Variants in KIAA0319 observed in about 807,000 individuals in gnomAD.
KIAA0319 encodes KIAA0319.
In KIAA0319, 83 loss-of-function variants were observed where a neutral mutation model predicts 108.4. The ratio of observed to expected loss-of-function variants is 0.77; its 90% CI spans 0.64 to 0.92. The LOEUF (loss-of-function observed/expected upper bound fraction) is 0.92, where lower values mean the gene tolerates loss of function less well. KIAA0319 is among the 40% of genes least tolerant of loss of function. The pLI is 0.00. For synonymous variants in KIAA0319, 484 were observed against 510.4 expected (o/e 0.95, Z 0.70); for missense variants, 1,195 against 1,322.4 (o/e 0.90, Z 1.49).
At chr6:24,594,016 T>C (rs949148840) in intron 3 of KIAA0319, among the ~76,000 whole-genome samples, 6 of 149,190 alleles carry the variant, frequency 4.0e-5, no homozygotes, top group Non-Finnish European at 5.9e-5. Context: ...CTGACCAATA[T>C]GGTGAAACCC....
chr6:24,542,690 G>C (rs1581835392), downstream of KIAA0319, among the ~76,000 whole-genome samples: 1 of 152,318 alleles, frequency 6.6e-6, no homozygotes, highest in African/African-American at 2.4e-5. Context: ...ACTCCAGCCT[G>C]AGTGACAGAG....
intron 19 of KIAA0319, among the ~76,000 whole-genome samples, chr6:24,553,162 G>C (rs951196785): frequency 6.6e-6 from 1 of 151,394 alleles, no homozygotes; most frequent in African/African-American, 2.4e-5. Flanking sequence ...AGGTGGATTC[G>C]ATTATTGCTT....
At chr6:24,588,884 G>A (rs1767991557) in intron 3 of KIAA0319, 99 bp from the exon 4 acceptor site, 1 of 978,468 alleles carries the variant, frequency 1.0e-6, no homozygotes, top group Admixed American at 2.5e-5. Context: ...AATTAGCTTT[G>A]GTAATGTTTG....
At chr6:24,637,747 A>C (rs1010501850) in intron 1 of KIAA0319, among the ~76,000 whole-genome samples, 12 of 152,262 alleles carry the variant, frequency 7.9e-5, no homozygotes, top group Admixed American at 7.8e-4. Context: ...AAGAGCCTTG[A>C]AGAATTGGTC....
rs1458202492 is a variant in KIAA0319, at chr6:24,588,765, A to G, written c.822T>C (p.Ser274=). ...TGAGCTCCAGGCTTGCCGGAGGAAG[A>G]CTATGGGAAGGCATTAGAACCTACG... is the stretch of plus-strand genomic sequence containing the variant. ...SGKEVLMPSH[S]LPPASLELSS... The change falls in exon 4 of 21, where the codon AGT becomes AGC. Residue 274 remains serine (S), a synonymous_variant. Transcript: ENST00000378214. 6.2e-7 allele frequency: 1 copy of G among 1,613,896 alleles called. No homozygotes were observed. The highest frequency in any genetic ancestry group is 1.7e-5 in the Admixed American group (1 of 59,970).
chr6:24,601,623 C>T (rs1224492770), intron 1 of KIAA0319, among the ~76,000 whole-genome samples: 1 of 152,214 alleles, frequency 6.6e-6, no homozygotes, highest in Non-Finnish European at 1.5e-5. Flanking sequence ...CAGTGGGAAG[C>T]TGCAGGCAGC....
intron 20 of KIAA0319, among the ~76,000 whole-genome samples, chr6:24,547,932 C>CCT (rs1331423905): frequency 5.9e-5 from 9 of 152,070 alleles, no homozygotes; most frequent in African/African-American, 1.9e-4. Context: ...CTTTGGGAGG[C>CCT]TGAGGTGGGA....
chr6:24,644,750 C>A (rs904277681), intron 1 of KIAA0319, among the ~76,000 whole-genome samples: 3 of 152,104 alleles, frequency 2.0e-5, no homozygotes, highest in Non-Finnish European at 4.4e-5. Flanking sequence ...AAATTAAGTT[C>A]TTGCCTCGGC....
At chr6:24,608,206 G>C (rs1289431389) in intron 1 of KIAA0319, among the ~76,000 whole-genome samples, 1 of 151,384 alleles carries the variant, frequency 6.6e-6, no homozygotes, top group Non-Finnish European at 1.5e-5. Flanking sequence ...TGCTACTGAG[G>C]AAAAAATAAA....
intron 11 of KIAA0319, among the ~76,000 whole-genome samples, chr6:24,571,378 CAAAAAAAA>C (rs34896696): frequency 8.4e-6 from 1 of 118,710 alleles, no homozygotes; most frequent in Admixed American, 8.7e-5. Context: ...CCCTGTCTCA[CAAAAAAAA>C]AAAAAAAAAG....
At chr6:24,603,147 C>T (rs1770894171) in intron 1 of KIAA0319, among the ~76,000 whole-genome samples, 1 of 152,178 alleles carries the variant, frequency 6.6e-6, no homozygotes, top group African/African-American at 2.4e-5. Flanking sequence ...TAAATACAGT[C>T]ATTAGTATCT....
Position 24,548,407 on chromosome 6 carries a change from C to T in KIAA0319, c.3041-1064G>A, listed in dbSNP as rs567037392. ...CAGAAACTGAAGAGGCCAGGCTCCTCCCCACTGCAAATGACACGAACTTCC... is the reference window on the plus strand; with the variant it reads ...CAGAAACTGAAGAGGCCAGGCTCCTTCCCACTGCAAATGACACGAACTTCC... On this transcript the variant is annotated intron_variant, in intron 20 of 20. Transcript: ENST00000378214. 1.6e-4 allele frequency among the ~76,000 whole-genome samples: 24 copies of T among 152,330 alleles called. No individual in the cohort carries two copies. The South Asian group carries it at 4.8e-3, about 30-fold the overall frequency.
intron 1 of KIAA0319, among the ~76,000 whole-genome samples, chr6:24,644,576 A>C (rs571406905): frequency 6.6e-6 from 1 of 150,776 alleles, no homozygotes; most frequent in Admixed American, 6.7e-5. Context: ...TACTGTATTT[A>C]TTTAAAGAGA....
chr6:24,555,703 AAT>A (rs1331934865), intron 18 of KIAA0319, among the ~76,000 whole-genome samples: 1 of 149,234 alleles, frequency 6.7e-6, no homozygotes, highest in Admixed American at 6.6e-5. Context: ...CTGCCATTAA[AAT>A]ATAGTTTTCT....
At position 24,568,802 on chromosome 6, in the gene KIAA0319, G is replaced by A. The variant is rs1291889576; in HGVS notation, c.2119C>T (p.Leu707Phe). ...DQQGLSSTSTLTVAVKKENNS... is the reference protein window; with the variant it reads ...DQQGLSSTSTFTVAVKKENNS... ...TCACCCTTCTTCACAGCCACAGTGA[G>A]GGTGGACGTGCTGCTCAGTCCCTGC... Residue 707 changes from leucine (L) to phenylalanine (F), a missense_variant, in exon 13 of 21, where the codon CTC becomes TTC. Leu to Phe is a conservative substitution (Grantham distance 22). Transcript: ENST00000378214. 1.2e-6 allele frequency: 2 copies of A among 1,614,018 alleles called. No homozygotes were observed. The highest frequency in any genetic ancestry group is 1.7e-6 in the Non-Finnish European group (2 of 1,180,030).
intron 1 of KIAA0319, among the ~76,000 whole-genome samples, chr6:24,611,536 C>T (rs1435713304): frequency 1.3e-5 from 2 of 152,086 alleles, no homozygotes; most frequent in Non-Finnish European, 2.9e-5. Flanking sequence ...ATTGTATCCA[C>T]TAATAAAATA....
chr6:24,559,641 A>G (rs1173537724), intron 16 of KIAA0319, among the ~76,000 whole-genome samples: 1 of 151,066 alleles, frequency 6.6e-6, no homozygotes, highest in Non-Finnish European at 1.5e-5. Flanking sequence ...GGAGCAATGT[A>G]TAAATGTGTG....
chr6:24,630,901 T>C (rs533767967), intron 1 of KIAA0319, among the ~76,000 whole-genome samples: 2 of 152,218 alleles, frequency 1.3e-5, no homozygotes, highest in Non-Finnish European at 1.5e-5. Flanking sequence ...TGGAGTGAAA[T>C]GCTTCTGCAG....
intron 1 of KIAA0319, among the ~76,000 whole-genome samples, chr6:24,605,714 C>T (rs922430940): frequency 1.3e-5 from 2 of 152,064 alleles, no homozygotes; most frequent in African/African-American, 4.8e-5. Flanking sequence ...AAGGAAATGT[C>T]CCCCCATGGT....
Sources: gnomAD v4.1 joint callset for allele counts (sites outside exome capture counted in the v4.1 genomes callset) on GRCh38, gnomAD v4.1.1 for gene constraint, MANE v1.5 for transcripts, NCBI Gene and HGNC (gene_info 2026-07-23, HGNC 2026-07-21) for gene names.